The following XYLB variants were observed in gnomAD, a reference collection of about 807,000 sequenced individuals.
XYLB encodes xylulose kinase.
Under a neutral mutation model 78.7 loss-of-function variants are expected in XYLB, and 62 were observed. The observed-to-expected ratio is 0.79, with a 90% CI of 0.64 to 0.97. The LOEUF (loss-of-function observed/expected upper bound fraction) is 0.97. Ranked by LOEUF, XYLB falls within the 50% of genes least tolerant of loss-of-function variation. The pLI is 0.00. For missense variants in XYLB, 687 were observed against 676.8 expected (o/e 1.02, Z -0.17); for synonymous variants, 245 against 247.4 (o/e 0.99, Z 0.09).
the XYLB span, among the ~76,000 whole-genome samples, chr3:38,436,183 A>G: frequency 4.6e-5 from 7 of 152,166 alleles, no homozygotes; most frequent in African/African-American, 1.4e-4. Flanking sequence ...CACTAGCCAG[A>G]CTAACCAAGA....
the XYLB span, among the ~76,000 whole-genome samples, chr3:38,440,678 GACA>G: frequency 1.3e-5 from 2 of 152,232 alleles, no homozygotes; most frequent in East Asian, 1.9e-4. Context: ...TGGTTACACT[GACA>G]ACAAGGTGGT....
At position 38,358,357 on chromosome 3, in the gene XYLB, G is replaced by GTGTGTGTGTGTGTT. The variant is rs774476552; in HGVS notation, c.141-1981_141-1980insGTGTGTGTGTGTTT. On this transcript the variant is annotated intron_variant, in intron 2 of 18. Transcript: ENST00000207870. Reference sequence around the variant, plus strand: ...TGTGTGTGTGTGTGTGTGTGTGTGTGTTTGAGACAGAGCCTTGCTCTGTTG... The same window carrying GTGTGTGTGTGTGTT: ...TGTGTGTGTGTGTGTGTGTGTGTGTGTGTGTGTGTGTGTTTTTGAGACAGAGCCTTGCTCTGTTG... Among the ~76,000 whole-genome samples, 26 of 90,124 alleles carry GTGTGTGTGTGTGTT rather than the reference G, an allele frequency of 2.9e-4. 1 individual carries two copies. Among genetic ancestry groups the GTGTGTGTGTGTGTT allele is most frequent in the East Asian group, 7.4e-4 (2 of 2,720 alleles). 59.1% of individuals were successfully genotyped at this position (90,124 alleles called of 152,430 possible).
Position 38,375,230 on chromosome 3 carries a change from TGACTCCCA to T in XYLB, c.977_984del (p.Asp326AlafsTer9), listed in dbSNP as rs778399180. ...AAGGCCACATCTTCTGCAACCCGGT[TGACTCCCA>T]GCACTACATGGCACTCCTGTGGTGA... On this transcript the variant is annotated frameshift_variant, in exon 12 of 19. Coordinates refer to ENST00000207870, the MANE Select transcript of XYLB (RefSeq NM_005108.4). LOFTEE classifies it high-confidence loss of function. 3.7e-6 allele frequency: 6 copies of T among 1,614,222 alleles called. No individual in the cohort carries two copies. The African/African-American group carries it at 6.7e-5, about 18-fold the overall frequency.
intron 2 of XYLB, among the ~76,000 whole-genome samples, chr3:38,349,073 C>T (rs557136804): frequency 1.3e-5 from 2 of 152,172 alleles, no homozygotes; most frequent in Non-Finnish European, 1.5e-5. Flanking sequence ...AGTCCCAGAG[C>T]GTCTCTAGGG....
chr3:38,362,555 G>A (rs1438804638), intron 3 of XYLB, among the ~76,000 whole-genome samples: 2 of 152,082 alleles, frequency 1.3e-5, no homozygotes, highest in African/African-American at 2.4e-5. Context: ...CCAGCCACTT[G>A]GGAGGCTGAG....
chr3:38,411,113 A>G (rs1357070152), intron 18 of XYLB, among the ~76,000 whole-genome samples: 3 of 152,240 alleles, frequency 2.0e-5, no homozygotes, highest in Middle Eastern at 3.2e-3. Context: ...TCACAATAGC[A>G]AAGACTTGGA....
chr3:38,360,446 G>GCTCCTTCTAT (rs1705906412), intron 3 of XYLB, 38 bp downstream of exon 3: 1 of 1,523,326 alleles, frequency 6.6e-7, no homozygotes, highest in African/African-American at 1.4e-5. Context: ...CTATCCCCAG[G>GCTCCTTCTAT]CTGTCTCACT....
chr3:38,432,668 A>C, the XYLB span, among the ~76,000 whole-genome samples: 3 of 152,252 alleles, frequency 2.0e-5, no homozygotes, highest in Non-Finnish European at 4.4e-5. Context: ...TACAGGCCTC[A>C]TGCAAGTCCG....
rs1331870802 is a variant in XYLB, at chr3:38,366,928, A to G, written c.573+55A>G. On this transcript the variant is annotated intron_variant, in intron 7 of 18. Coordinates refer to ENST00000207870, the MANE Select transcript of XYLB (RefSeq NM_005108.4). ...GTCACAGTTGAATTCTTTTCATAAT[A>G]TGTTAGAATAGATACATCTTACGTG... 3.0e-5 allele frequency: 36 copies of G among 1,207,856 alleles called. No individual in the cohort carries two copies. In the Middle Eastern group the frequency reaches 9.4e-4, roughly 31 times the overall value. The allele number at this position is 1,207,856 out of a possible 1,614,324, so 74.8% of individuals were successfully genotyped here.
intron 8 of XYLB, among the ~76,000 whole-genome samples, chr3:38,369,739 G>C (rs1055542843): frequency 3.3e-5 from 5 of 152,228 alleles, no homozygotes; most frequent in African/African-American, 1.2e-4. Context: ...GGGACATGGA[G>C]AGTGGTTCCT....
At chr3:38,373,310 T>C (rs1706673029) in intron 10 of XYLB, among the ~76,000 whole-genome samples, 1 of 151,988 alleles carries the variant, frequency 6.6e-6, no homozygotes, top group Non-Finnish European at 1.5e-5. Flanking sequence ...ACCTAACTAC[T>C]ACCCCTCAAC....
the XYLB span, among the ~76,000 whole-genome samples, chr3:38,440,976 C>T: frequency 3.3e-5 from 5 of 151,242 alleles, no homozygotes; most frequent in Admixed American, 2.0e-4. Context: ...TCTGACTTTC[C>T]GTCTTTCCCC....
downstream of XYLB, among the ~76,000 whole-genome samples, chr3:38,425,440 G>A (rs912692671): frequency 6.6e-6 from 1 of 152,188 alleles, no homozygotes; most frequent in African/African-American, 2.4e-5. Flanking sequence ...CAGAAGAGGA[G>A]GATCAATGAT....
intron 9 of XYLB, 141 bp from the exon 10 acceptor site, chr3:38,372,514 G>A: frequency 1.3e-6 from 2 of 1,489,160 alleles, no homozygotes; most frequent in Non-Finnish European, 1.8e-6. Context: ...GAAGTGATGT[G>A]ACTCCAGGCT....
downstream of XYLB, among the ~76,000 whole-genome samples, chr3:38,423,067 GTTATTA>G (rs1000459940): frequency 6.6e-6 from 1 of 151,974 alleles, no homozygotes; most frequent in African/African-American, 2.4e-5. Context: ...TCCACTCTTT[GTTATTA>G]TTATTATTAT....
At chr3:38,377,690 G>A (rs189244019) in intron 14 of XYLB, among the ~76,000 whole-genome samples, 10 of 151,946 alleles carry the variant, frequency 6.6e-5, no homozygotes, top group South Asian at 6.3e-4. Flanking sequence ...CAAGTGATAC[G>A]CCCCCTCCCA....
intron 5 of XYLB, 89 bp from the exon 6 acceptor site, chr3:38,365,519 C>T: frequency 4.5e-6 from 7 of 1,538,692 alleles, no homozygotes; most frequent in East Asian, 2.3e-5. Context: ...GTCATGACTG[C>T]CGTGATGGGC....
the XYLB span, among the ~76,000 whole-genome samples, chr3:38,432,862 A>AT: frequency 6.6e-6 from 1 of 152,126 alleles, no homozygotes; most frequent in East Asian, 1.9e-4. Context: ...GAGTGTCTGC[A>AT]TTTTTTCCAG....
chr3:38,369,085 C>T (rs1047793499), intron 8 of XYLB, among the ~76,000 whole-genome samples: 3 of 152,090 alleles, frequency 2.0e-5, no homozygotes, highest in East Asian at 3.9e-4. Context: ...GGCAGGAGCC[C>T]AGAGCCGTGG....
Sources: gnomAD v4.1 joint callset for allele counts (sites outside exome capture counted in the v4.1 genomes callset) on GRCh38, gnomAD v4.1.1 for gene constraint, MANE v1.5 for transcripts, NCBI Gene and HGNC (gene_info 2026-07-23, HGNC 2026-07-21) for gene names.